The following EPB41L2 variants were observed in gnomAD, a reference collection of about 807,000 sequenced individuals.
EPB41L2 encodes the protein erythrocyte membrane protein band 4.1 like 2.
In EPB41L2, 43 loss-of-function variants were observed where a neutral mutation model predicts 113.0. The ratio of observed to expected loss-of-function variants is 0.38; its 90% confidence interval spans 0.30 to 0.49. EPB41L2 has a LOEUF of 0.49. EPB41L2 is among the 20% of genes least tolerant of loss of function. EPB41L2 has a pLI of 0.95. For synonymous variants in EPB41L2, 442 were observed against 436.7 expected (o/e 1.01, Z -0.15); for missense variants, 1,147 against 1,223.4 (o/e 0.94, Z 0.93).
chr6:130,901,057 T>A lies in EPB41L2; in HGVS notation c.1053A>T (p.Glu351Asp). ...CACTGAGGTCGATGCTGCCATGTTC[T>A]TCTGGGTCATAGTCACCAAGTTCAG... ...LQAELGDYDP[E>D]EHGSIDLSEF... The change falls in exon 7 of 20, where the codon GAA (glutamate) becomes GAT (aspartate). Residue 351 changes from glutamate to aspartate, a missense_variant. Transcript: ENST00000337057. 1.2e-6 allele frequency: 2 copies of A among 1,614,146 alleles called. No individual in the cohort carries two copies. Among genetic ancestry groups the A allele is most frequent in the Non-Finnish European group, 1.7e-6 (2 of 1,180,012 alleles).
intron 4 of EPB41L2, among the ~76,000 whole-genome samples, chr6:130,923,218 C>A (rs1803468428): frequency 6.6e-6 from 1 of 152,148 alleles, no homozygotes; most frequent in Non-Finnish European, 1.5e-5. Flanking sequence ...AAACCTTACT[C>A]AAGGCTACTT....
At chr6:130,969,218 A>C (rs1006135539) in intron 1 of EPB41L2, among the ~76,000 whole-genome samples, 1 of 126,998 alleles carries the variant, frequency 7.9e-6, no homozygotes, top group Non-Finnish European at 1.7e-5. Flanking sequence ...TCCTTGTGAC[A>C]AAAAAAAAAA....
chr6:131,052,925 C>T (rs12525104), intron 1 of EPB41L2, among the ~76,000 whole-genome samples: 42,629 of 151,530 alleles, frequency 0.28, 7,086 homozygotes, highest in Non-Finnish European at 0.37. Context: ...TGAGGAGTTT[C>T]GCTCTTGTTG....
chr6:130,852,878 T>C (rs1013429077), intron 19 of EPB41L2, among the ~76,000 whole-genome samples: 1 of 152,148 alleles, frequency 6.6e-6, no homozygotes, highest in African/African-American at 2.4e-5. Flanking sequence ...ATGCTTCCAA[T>C]CCTGCCTGGA....
At chr6:130,967,200 T>C (rs181055208) in intron 1 of EPB41L2, among the ~76,000 whole-genome samples, 22 of 152,282 alleles carry the variant, frequency 1.4e-4, no homozygotes, top group African/African-American at 4.1e-4. Context: ...AAGTCAGCCA[T>C]CTATATCCAA....
chr6:130,885,134 G>C lies in EPB41L2; in HGVS notation c.1795C>G (p.Pro599Ala). 1 of 1,614,026 alleles carries C rather than the reference G, an allele frequency of 6.2e-7. No individual in the cohort carries two copies. The highest frequency in any genetic ancestry group is 8.5e-7 in the Non-Finnish European group (1 of 1,179,998). Residue 599 changes from proline (P) to alanine (A), a missense_variant, in exon 12 of 20, where the codon CCA (proline) becomes GCA (alanine). By Grantham distance (27) the Pro-to-Ala change is conservative (BLOSUM62 -1). Transcript: ENST00000337057. ...AGCTGCAAATGTGGGGCTTTAGTTG[G>C]GCTTCTCACTTCCCTCCTGCCGTCC... ...DGDGRREVRS[P>A]TKAPHLQLIE...
intron 1 of EPB41L2, among the ~76,000 whole-genome samples, chr6:131,057,244 G>C (rs1034875488): frequency 6.6e-6 from 1 of 152,060 alleles, no homozygotes. Context: ...CACACACACA[G>C]AGATGCTGCA....
intron 19 of EPB41L2, among the ~76,000 whole-genome samples, chr6:130,845,593 C>G (rs191327719): frequency 8.3e-4 from 126 of 152,244 alleles, no homozygotes; most frequent in African/African-American, 2.8e-3. Flanking sequence ...ACTGCCCAGT[C>G]TGGTCTCGAA....
At chr6:130,871,860 T>A (rs1175213136) in intron 14 of EPB41L2, among the ~76,000 whole-genome samples, 2 of 152,208 alleles carry the variant, frequency 1.3e-5, no homozygotes, top group Admixed American at 6.5e-5. Context: ...TTATTATAGA[T>A]CAGTGAATTA....
chr6:130,897,564 C>T (rs1026522870), intron 8 of EPB41L2, among the ~76,000 whole-genome samples: 1 of 152,174 alleles, frequency 6.6e-6, no homozygotes. Context: ...TTCTAACTAA[C>T]AATCAACAAA....
chr6:130,953,857 A>G (rs1162915085), intron 3 of EPB41L2, among the ~76,000 whole-genome samples: 2 of 151,826 alleles, frequency 1.3e-5, no homozygotes, highest in Non-Finnish European at 2.9e-5. Flanking sequence ...AGCAGAGATC[A>G]AGCCCCTCAC....
intron 19 of EPB41L2, among the ~76,000 whole-genome samples, chr6:130,857,757 G>A (rs73632208): frequency 0.011 from 1,729 of 151,930 alleles, 40 homozygotes; most frequent in African/African-American, 0.04. Context: ...GGTGGAATCA[G>A]CTCATCTCCC....
chr6:130,899,075 T>G (rs1167615381), intron 8 of EPB41L2, among the ~76,000 whole-genome samples: 2 of 152,042 alleles, frequency 1.3e-5, no homozygotes, highest in Admixed American at 6.5e-5. Flanking sequence ...TTTTGGAAAG[T>G]GGTCCCATGC....
rs781291028 is a variant in EPB41L2 at position 130,869,895 on chromosome 6, G to A, written c.2275C>T (p.His759Tyr). 2 of 1,612,244 alleles carry A rather than the reference G, an allele frequency of 1.2e-6. No homozygotes were observed. Among genetic ancestry groups the A allele is most frequent in the African/African-American group, 1.3e-5 (1 of 74,790 alleles). The change falls in exon 15 of 20, where the codon CAC (histidine) becomes TAC (tyrosine). Residue 759 changes from histidine to tyrosine, a missense_variant. Transcript: ENST00000337057. ...ATGGTGCCCTCGGTCACTCGGTGGT[G>A]GGGACGGTACTCTCCCACGTCTTCC... is the stretch of plus-strand genomic sequence containing the variant. ...EEEDVGEYRPHHRVTEGTIRE... is the reference protein window; with the variant it reads ...EEEDVGEYRPYHRVTEGTIRE...
At chr6:130,971,442 T>A (rs1776751182) in intron 1 of EPB41L2, among the ~76,000 whole-genome samples, 1 of 152,230 alleles carries the variant, frequency 6.6e-6, no homozygotes, top group Admixed American at 6.5e-5. Context: ...AAATGGCCAC[T>A]ATCACTATTC....
chr6:131,006,538 T>C (rs9321268), intron 1 of EPB41L2, among the ~76,000 whole-genome samples: 120,214 of 150,944 alleles, frequency 0.8, 48,234 homozygotes, highest in East Asian at 0.88. Context: ...AGTGTGGTGG[T>C]GCGCGCCTGT....
rs1335290519 is a variant in EPB41L2 at position 130,865,612 on chromosome 6, T to A, written c.2753A>T (p.Asp918Val). The change falls in exon 17 of 20, where the codon GAT becomes GTT. Residue 918 changes from aspartate (D) to valine (V), a missense_variant. By Grantham distance (152) the Asp-to-Val change is radical. Coordinates refer to ENST00000337057, the MANE Select transcript of EPB41L2 (RefSeq NM_001431.4). The part of the protein sequence containing the change: ...SPQIDGGAGG[D>V]SGTLLTAQTI... ...TTGTGCGGTCAGTAACGTGCCCGAA[T>A]CACCACCAGCCCCGCCATCAATCTT... 2 of 1,614,024 alleles carry A rather than the reference T, an allele frequency of 1.2e-6. No homozygotes were observed. The highest frequency in any genetic ancestry group is 1.7e-6 in the Non-Finnish European group (2 of 1,180,022).
chr6:130,955,414 A>G, intron 2 of EPB41L2, 97 bp from the exon 3 acceptor site: 1 of 1,104,138 alleles, frequency 9.1e-7, no homozygotes, highest in Non-Finnish European at 1.3e-6. Context: ...TAGGATCGTT[A>G]CTTTAAACAC....
At chr6:130,894,732 C>G (rs80282615) in intron 9 of EPB41L2, among the ~76,000 whole-genome samples, 2 of 152,038 alleles carry the variant, frequency 1.3e-5, no homozygotes, top group African/African-American at 4.8e-5. Context: ...CAAGAAAAAA[C>G]GAGCCCACAC....
Sources: gnomAD v4.1 joint callset for allele counts (sites outside exome capture counted in the v4.1 genomes callset) on GRCh38, gnomAD v4.1.1 for gene constraint, MANE v1.5 for transcripts, NCBI Gene and HGNC (gene_info 2026-07-23, HGNC 2026-07-21) for gene names.